The following RBMS3 variants were observed in gnomAD, a reference collection of about 807,000 sequenced individuals.
RBMS3 encodes the protein RNA-binding motif, single-stranded-interacting protein 3.
A neutral mutation model predicts 66.8 loss-of-function variants in RBMS3; 27 were observed. The observed-to-expected ratio is 0.40, with a 90% CI of 0.30 to 0.56. The LOEUF is 0.56. Ranked by LOEUF, RBMS3 falls within the 20% of genes least tolerant of loss-of-function variation. The pLI is 0.40. For missense variants in RBMS3, 513 were observed against 549.5 expected, an observed-to-expected ratio of 0.93 and a Z score of 0.66; for synonymous variants, 188 against 183.0, an observed-to-expected ratio of 1.03 and a Z score of -0.22.
At chr3:29,830,231 A>G (rs1308939055) in intron 6 of RBMS3, among the ~76,000 whole-genome samples, 1 of 152,108 alleles carries the variant, frequency 6.6e-6, no homozygotes. Flanking sequence ...GTTTTCCTAC[A>G]TTAAAAATTT....
intron 6 of RBMS3, among the ~76,000 whole-genome samples, chr3:29,813,644 CT>C (rs1280231325): frequency 6.6e-6 from 1 of 151,946 alleles, no homozygotes; most frequent in Non-Finnish European, 1.5e-5. Flanking sequence ...TTTCTATCCT[CT>C]TTTTTTTCGT....
At chr3:29,390,618 G>A (rs2039246084) in intron 1 of RBMS3, among the ~76,000 whole-genome samples, 1 of 152,098 alleles carries the variant, frequency 6.6e-6, no homozygotes, top group African/African-American at 2.4e-5. Flanking sequence ...CCTTTCTGAA[G>A]AGCCCCATGG....
At chr3:29,567,243 A>G (rs2046776415) in intron 3 of RBMS3, among the ~76,000 whole-genome samples, 1 of 152,168 alleles carries the variant, frequency 6.6e-6, no homozygotes, top group Non-Finnish European at 1.5e-5. Flanking sequence ...CAATATTTTT[A>G]TATTTACATC....
At chr3:29,404,457 A>G (rs558110609) in intron 1 of RBMS3, among the ~76,000 whole-genome samples, 5 of 152,126 alleles carry the variant, frequency 3.3e-5, no homozygotes, top group Non-Finnish European at 7.4e-5. Flanking sequence ...CTTACTATCT[A>G]AATGCTCTTT....
chr3:29,617,119 T>A (rs564320187), intron 4 of RBMS3: 1 of 152,290 alleles, frequency 6.6e-6, no homozygotes, highest in East Asian at 1.9e-4. Flanking sequence ...TAACTTGTGA[T>A]AATTCAGAAT....
chr3:29,412,302 C>A (rs1263128283), intron 1 of RBMS3, among the ~76,000 whole-genome samples: 1 of 152,068 alleles, frequency 6.6e-6, no homozygotes, highest in African/African-American at 2.4e-5. Context: ...TTTGGGTAGC[C>A]CAGATGCTGT....
intron 6 of RBMS3, among the ~76,000 whole-genome samples, chr3:29,797,372 T>A (rs947793582): frequency 6.6e-6 from 1 of 152,194 alleles, no homozygotes; most frequent in African/African-American, 2.4e-5. Flanking sequence ...GTAGCCTTCA[T>A]AGAGTTGAAG....
rs146378069 is a variant in RBMS3 at position 29,701,870 on chromosome 3, C to T, written c.400-37850C>T. Among the ~76,000 whole-genome samples, 919 of 147,354 alleles carry T rather than the reference C, an allele frequency of 6.2e-3. 8 individuals carry two copies. Among genetic ancestry groups the T allele is most frequent in the Admixed American group, 0.02 (305 of 15,254 alleles). ...GGAGTCTCACCGAGGAGCCCCACCC[C>T]CTGCTCCACGGCGCCGCCCGGTCCC... On this transcript the variant is annotated intron_variant, in intron 4 of 14. Transcript: ENST00000383767.
chr3:29,875,227 G>T (rs1463692618), intron 7 of RBMS3, among the ~76,000 whole-genome samples: 1 of 151,242 alleles, frequency 6.6e-6, no homozygotes, highest in Non-Finnish European at 1.5e-5. Flanking sequence ...CCCCACTAAT[G>T]TTTAAGCAAC....
At chr3:29,770,457 A>G (rs1020851481) in intron 6 of RBMS3, among the ~76,000 whole-genome samples, 1 of 151,980 alleles carries the variant, frequency 6.6e-6, no homozygotes, top group Non-Finnish European at 1.5e-5. Flanking sequence ...AATAAGTAGC[A>G]GCATAATGTG....
intron 2 of RBMS3, among the ~76,000 whole-genome samples, chr3:29,482,244 C>G (rs1430734358): frequency 6.6e-6 from 1 of 152,090 alleles, no homozygotes; most frequent in East Asian, 1.9e-4. Flanking sequence ...ATATATATCC[C>G]CAAATTACAT....
At chr3:29,394,815 G>A (rs2039472345) in intron 1 of RBMS3, among the ~76,000 whole-genome samples, 1 of 151,976 alleles carries the variant, frequency 6.6e-6, no homozygotes, top group South Asian at 2.1e-4. Context: ...TACTTTTCTG[G>A]TTCAGACTGC....
chr3:29,335,382 C>G (rs1011957916), intron 1 of RBMS3, among the ~76,000 whole-genome samples: 4 of 152,246 alleles, frequency 2.6e-5, no homozygotes, highest in Non-Finnish European at 5.9e-5. Flanking sequence ...AATAAATTAG[C>G]AGAAATTATG....
chr3:29,424,627 C>T (rs953833018), intron 1 of RBMS3, among the ~76,000 whole-genome samples: 1 of 152,132 alleles, frequency 6.6e-6, no homozygotes, highest in Non-Finnish European at 1.5e-5. Context: ...GATTCACTTT[C>T]AGAAAAGCAA....
At chr3:29,899,161 G>A (rs774527808) in intron 9 of RBMS3, among the ~76,000 whole-genome samples, 3 of 151,660 alleles carry the variant, frequency 2.0e-5, no homozygotes, top group Non-Finnish European at 2.9e-5. Flanking sequence ...CAATTACCAT[G>A]AGCGAAAATA....
intron 2 of RBMS3, among the ~76,000 whole-genome samples, chr3:29,455,468 C>T (rs565667747): frequency 5.2e-4 from 79 of 151,508 alleles, no homozygotes; most frequent in African/African-American, 1.8e-3. Flanking sequence ...AACCAGAGCT[C>T]CTGTGGAAAG....
At chr3:29,621,450 C>T (rs1157283486) in intron 4 of RBMS3, among the ~76,000 whole-genome samples, 2 of 152,232 alleles carry the variant, frequency 1.3e-5, no homozygotes, top group African/African-American at 4.8e-5. Flanking sequence ...TCCTGACTAT[C>T]AGGGACTCTG....
intron 6 of RBMS3, among the ~76,000 whole-genome samples, chr3:29,813,461 G>A (rs538728226): frequency 2.2e-4 from 33 of 152,116 alleles, no homozygotes; most frequent in East Asian, 3.9e-4. Context: ...TTGGCGATGC[G>A]GGCTCTTTTT....
intron 3 of RBMS3, among the ~76,000 whole-genome samples, chr3:29,578,790 C>CTTTTTGTTTTTTTTTT (rs2047215883): frequency 9.9e-6 from 1 of 101,086 alleles, no homozygotes; most frequent in Non-Finnish European, 1.8e-5. Flanking sequence ...ATACATGCTT[C>CTTTTTGTTTTTTTTTT]TTTTTTTTTT....
Sources: gnomAD v4.1 joint callset for allele counts (sites outside exome capture counted in the v4.1 genomes callset) on GRCh38, gnomAD v4.1.1 for gene constraint, MANE v1.5 for transcripts, NCBI Gene and HGNC (gene_info 2026-07-23, HGNC 2026-07-21) for gene names.